ALG6: variants seen among roughly 807,000 people sequenced by gnomAD.
The protein encoded by ALG6 is dolichyl pyrophosphate Man9GlcNAc2 alpha-1,3-glucosyltransferase.
In ALG6, 46 loss-of-function variants were observed where a neutral mutation model predicts 66.6. That is an observed-to-expected ratio of 0.69 (90% CI 0.55 to 0.88). The LOEUF (loss-of-function observed/expected upper bound fraction) is 0.88. Among genes scored for constraint, ALG6 ranks in the 40% least tolerant of loss-of-function variants. The pLI, the probability that ALG6 is intolerant of heterozygous loss-of-function variation, is 0.00. For synonymous variants in ALG6, 185 were observed against 203.7 expected (o/e 0.91, Z 0.78); for missense variants, 505 against 586.8 (o/e 0.86, Z 1.44).
intron 10 of ALG6, 58 bp downstream of exon 10, chr1:63,414,204 G>A: frequency 7.9e-7 from 1 of 1,258,760 alleles, no homozygotes; most frequent in Non-Finnish European, 1.2e-6. Context: ...AAAGCATTAT[G>A]GTATTATTTC....
chr1:63,404,254 A>G (rs924017810), intron 4 of ALG6, among the ~76,000 whole-genome samples, 199 bp from the exon 5 acceptor site: 1 of 152,198 alleles, frequency 6.6e-6, no homozygotes, highest in Non-Finnish European at 1.5e-5. Context: ...TTGGAAGGTA[A>G]GCAATGTAGA....
intron 14 of ALG6, among the ~76,000 whole-genome samples, chr1:63,431,983 CTT>C (rs1644648298): frequency 6.6e-6 from 1 of 152,066 alleles, no homozygotes; most frequent in African/African-American, 2.4e-5. Flanking sequence ...ATGTGGATGA[CTT>C]TTATCTTTTA....
intron 4 of ALG6, among the ~76,000 whole-genome samples, chr1:63,404,252 T>C (rs1465837548): frequency 6.6e-6 from 1 of 152,202 alleles, no homozygotes; most frequent in Non-Finnish European, 1.5e-5. Context: ...TGTTGGAAGG[T>C]AAGCAATGTA....
intron 2 of ALG6, among the ~76,000 whole-genome samples, chr1:63,394,907 C>T (rs1399603204): frequency 1.3e-5 from 2 of 151,500 alleles, no homozygotes; most frequent in Admixed American, 1.3e-4. Flanking sequence ...ACTCTGTCGC[C>T]CAGGCTGGAG....
chr1:63,395,810 A>G (rs1157979407), intron 2 of ALG6, among the ~76,000 whole-genome samples: 1 of 152,220 alleles, frequency 6.6e-6, no homozygotes, highest in Non-Finnish European at 1.5e-5. Context: ...ATTATTATTG[A>G]GTACAGTCAG....
chr1:63,378,595 A>T (rs1280210694), intron 2 of ALG6, among the ~76,000 whole-genome samples: 1 of 152,198 alleles, frequency 6.6e-6, no homozygotes, highest in Non-Finnish European at 1.5e-5. Context: ...CTATGTGCCA[A>T]GGGCTGGTGA....
intron 3 of ALG6, among the ~76,000 whole-genome samples, chr1:63,398,119 G>T (rs1644418864): frequency 6.6e-6 from 1 of 151,884 alleles, no homozygotes; most frequent in Admixed American, 6.6e-5. Flanking sequence ...TTATATTGTT[G>T]ACTGCTTTGG....
chr1:63,368,647 C>T (rs535014591), intron 1 of ALG6, among the ~76,000 whole-genome samples: 26 of 152,028 alleles, frequency 1.7e-4, no homozygotes, highest in African/African-American at 4.3e-4. Flanking sequence ...ATTACAGGAA[C>T]GCACCACCAC....
At chr1:63,411,841 G>A (rs1644517900) in intron 8 of ALG6, 85 bp from the exon 9 acceptor site, 3 of 1,549,558 alleles carry the variant, frequency 1.9e-6, no homozygotes, top group Middle Eastern at 1.8e-4. Flanking sequence ...ACATGTGCAT[G>A]TATTATGTTC....
At chr1:63,399,992 C>T (rs368193511) in intron 3 of ALG6, among the ~76,000 whole-genome samples, 14 of 150,736 alleles carry the variant, frequency 9.3e-5, no homozygotes, top group South Asian at 4.2e-4. Flanking sequence ...GTCAGGAGTT[C>T]GAGACCAGCC....
At chr1:63,418,519 T>C (rs1045436039) in intron 11 of ALG6, among the ~76,000 whole-genome samples, 1 of 151,564 alleles carries the variant, frequency 6.6e-6, no homozygotes, top group Admixed American at 6.6e-5. Flanking sequence ...AAGAGATGAG[T>C]TGGAAGGGAA....
intron 12 of ALG6, among the ~76,000 whole-genome samples, chr1:63,422,284 T>TAA (rs1644585997): frequency 1.2e-5 from 1 of 86,672 alleles, no homozygotes; most frequent in Non-Finnish European, 2.1e-5. Flanking sequence ...TATATAAATA[T>TAA]ATATATTTAT....
chr1:63,393,201 A>T (rs1648722265), intron 2 of ALG6, among the ~76,000 whole-genome samples: 2 of 152,224 alleles, frequency 1.3e-5, no homozygotes, highest in African/African-American at 2.4e-5. Flanking sequence ...ATAGAAACTT[A>T]TATCCCTCCC....
Position 63,411,919 on chromosome 1 carries a change from GT to G in ALG6, c.681-3del, listed in dbSNP as rs763183173. On this transcript the variant is annotated splice_polypyrimidine_tract_variant and splice_region_variant and intron_variant, in intron 8 of 14. Coordinates refer to ENST00000263440, the MANE Select transcript of ALG6 (RefSeq NM_013339.4). ...TATCTTACTGCCTACCTTTGTTTTT[GT>G]TTTAGGTTTGTGTTGCTAGTTAAGC... The G allele has an allele frequency of 2.5e-6, 4 of 1,613,974 alleles. No individual in the cohort carries two copies. Among genetic ancestry groups the G allele is most frequent in the Non-Finnish European group, 2.5e-6 (3 of 1,179,936 alleles).
intron 3 of ALG6, among the ~76,000 whole-genome samples, chr1:63,399,154 C>T (rs1644430911): frequency 2.0e-5 from 3 of 152,186 alleles, no homozygotes; most frequent in African/African-American, 7.2e-5. Flanking sequence ...TTGGGAGCCA[C>T]TCTTGGCTCC....
chr1:63,370,161 T>TA (rs71244580), intron 1 of ALG6, among the ~76,000 whole-genome samples: 24,532 of 139,766 alleles, frequency 0.18, 2,165 homozygotes, highest in Middle Eastern at 0.28. Flanking sequence ...AGGAAAACTG[T>TA]AAAAAAAAAA....
chr1:63,405,657 A>C (rs1164630999), intron 5 of ALG6, among the ~76,000 whole-genome samples: 1 of 152,012 alleles, frequency 6.6e-6, no homozygotes, highest in Admixed American at 6.6e-5. Flanking sequence ...GAACATATTG[A>C]TAGATTTCAG....
At chr1:63,412,119 G>C in intron 9 of ALG6, 58 bp downstream of exon 9, 4 of 1,610,418 alleles carry the variant, frequency 2.5e-6, no homozygotes, top group Non-Finnish European at 3.4e-6. Context: ...TGACCTTTAG[G>C]GGTTTCATGT....
chr1:63,372,922 T>A (rs1403588982), intron 2 of ALG6, among the ~76,000 whole-genome samples: 1 of 151,922 alleles, frequency 6.6e-6, no homozygotes, highest in African/African-American at 2.4e-5. Flanking sequence ...CCTCCTGAAG[T>A]GCTGGGATTA....
Sources: gnomAD v4.1 joint callset for allele counts (sites outside exome capture counted in the v4.1 genomes callset) on GRCh38, gnomAD v4.1.1 for gene constraint, MANE v1.5 for transcripts, NCBI Gene and HGNC (gene_info 2026-07-23, HGNC 2026-07-21) for gene names.